The following UGGT2 variants were observed in gnomAD, a reference collection of about 807,000 sequenced individuals.
UGGT2 encodes UDP-glucose:glycoprotein glucosyltransferase 2.
A neutral mutation model predicts 192.1 loss-of-function variants in UGGT2; 180 were observed. That is an observed-to-expected ratio of 0.94 (90% CI 0.83 to 1.06). The LOEUF is 1.06. Among genes scored for constraint, UGGT2 ranks in the 50% least tolerant of loss-of-function variants. The pLI, the probability that UGGT2 is intolerant of heterozygous loss-of-function variation, is 0.00. For synonymous variants in UGGT2, 580 were observed against 591.0 expected (o/e 0.98, Z 0.27); for missense variants, 1,849 against 1,795.7 (o/e 1.03, Z -0.54).
intron 36 of UGGT2, among the ~76,000 whole-genome samples, chr13:95,843,852 T>G (rs958619464): frequency 6.6e-6 from 1 of 152,218 alleles, no homozygotes; most frequent in African/African-American, 2.4e-5. Flanking sequence ...AACACCAAAC[T>G]ATTTTGACTA....
chr13:95,817,887 T>C (rs1423317899), intron 38 of UGGT2, among the ~76,000 whole-genome samples: 1 of 152,072 alleles, frequency 6.6e-6, no homozygotes, highest in Non-Finnish European at 1.5e-5. Context: ...CCCACTACTA[T>C]AGGAAATTAA....
At chr13:95,975,990 T>C (rs2050925683) in intron 10 of UGGT2, among the ~76,000 whole-genome samples, 1 of 152,078 alleles carries the variant, frequency 6.6e-6, no homozygotes, top group African/African-American at 2.4e-5. Flanking sequence ...ACTCTTCCAG[T>C]TAAAGTATAC....
chr13:96,043,478 G>A (rs1232085378), intron 1 of UGGT2, among the ~76,000 whole-genome samples: 1 of 151,904 alleles, frequency 6.6e-6, no homozygotes, highest in Non-Finnish European at 1.5e-5. Flanking sequence ...AAGGTATACA[G>A]GCAACAAATA....
chr13:95,906,893 C>T (rs988742224), intron 20 of UGGT2, among the ~76,000 whole-genome samples: 3 of 152,214 alleles, frequency 2.0e-5, no homozygotes, highest in Non-Finnish European at 4.4e-5. Context: ...CCTGCATTTC[C>T]AGCTCAGGTA....
intron 17 of UGGT2, among the ~76,000 whole-genome samples, chr13:95,936,384 C>T (rs1466038511): frequency 3.3e-5 from 5 of 152,222 alleles, no homozygotes; most frequent in Non-Finnish European, 1.5e-5. Context: ...AGGGTATATA[C>T]TTGATCCTTG....
In UGGT2 at chr13:95,869,381, A is replaced by G. The variant is rs535666237; in HGVS notation, c.3474-1958T>C. ...ATGTGTCTTTATAGCAGCATGTCTT[A>G]TAATCCTTTGGGTATATACCCAGTA... On this transcript the variant is annotated intron_variant, in intron 29 of 38. Coordinates refer to ENST00000376747, the MANE Select transcript of UGGT2 (RefSeq NM_020121.4). Among the ~76,000 whole-genome samples, 4 of 152,322 alleles carry G rather than the reference A, an allele frequency of 2.6e-5. No individual in the cohort carries two copies. In the South Asian group the frequency reaches 8.3e-4, roughly 32 times the overall value.
At chr13:95,996,910 C>T (rs1249942174) in intron 6 of UGGT2, among the ~76,000 whole-genome samples, 1 of 152,156 alleles carries the variant, frequency 6.6e-6, no homozygotes, top group East Asian at 1.9e-4. Flanking sequence ...TCCCTTCTCC[C>T]TTACATACCA....
chr13:95,947,892 G>T, intron 14 of UGGT2, 104 bp downstream of exon 14: 1 of 853,876 alleles, frequency 1.2e-6, no homozygotes, highest in Non-Finnish European at 1.9e-6. Context: ...AGGCACTAGA[G>T]CTAACCATCG....
chr13:95,816,273 G>T (rs181219393), intron 38 of UGGT2, among the ~76,000 whole-genome samples: 9 of 152,274 alleles, frequency 5.9e-5, no homozygotes, highest in African/African-American at 1.7e-4. Context: ...TTAAGAGAGT[G>T]ATATCAAATG....
rs555325152 is a variant in UGGT2, at chr13:96,034,212, G to A, written c.159-2241C>T. Among the ~76,000 whole-genome samples, 4 of 152,256 alleles carry A rather than the reference G, an allele frequency of 2.6e-5. No individual in the cohort carries two copies. In the East Asian group the frequency reaches 7.7e-4, roughly 29 times the overall value. On this transcript the variant is annotated intron_variant, in intron 1 of 38. Transcript: ENST00000376747. The stretch of plus-strand genomic sequence containing the variant: ...CATCGGGATGACCTGACTGCAGGTG[G>A]AAGGTGGCCACTCCATTTCTCCTCT...
At chr13:95,833,794 T>G (rs1886985112) in intron 37 of UGGT2, among the ~76,000 whole-genome samples, 1 of 152,128 alleles carries the variant, frequency 6.6e-6, no homozygotes, top group South Asian at 2.1e-4. Context: ...AAAAATGGAT[T>G]TGCCATTTAC....
intron 4 of UGGT2, among the ~76,000 whole-genome samples, chr13:96,022,127 G>A (rs1206448889): frequency 6.6e-6 from 1 of 151,968 alleles, no homozygotes; most frequent in Non-Finnish European, 1.5e-5. Flanking sequence ...AGATAATGGA[G>A]CAGAACAAAG....
At chr13:95,858,600 T>G (rs1478795149) in intron 33 of UGGT2, among the ~76,000 whole-genome samples, 1 of 152,170 alleles carries the variant, frequency 6.6e-6, no homozygotes, top group Admixed American at 6.6e-5. Flanking sequence ...ACTGTTAACT[T>G]TGTGTCTGGT....
chr13:95,947,138 C>A lies in UGGT2; in HGVS notation c.1576G>T (p.Glu526Ter). ...GFVFILNTDD[E>*]VDGANDAGVA... ...CCAGCATCATTTGCTCCATCAACTTCATCATCTGTATTAAGAATGAACACA... is the reference window on the plus strand; with the variant it reads ...CCAGCATCATTTGCTCCATCAACTTAATCATCTGTATTAAGAATGAACACA... The change falls in exon 15 of 39, where the codon GAA becomes TAA. Residue 526 changes from glutamate to a stop codon, truncating the protein, a stop_gained. Coordinates refer to ENST00000376747, the MANE Select transcript of UGGT2 (RefSeq NM_020121.4). LOFTEE classifies it high-confidence loss of function. 6.2e-7 allele frequency: 1 copy of A among 1,610,902 alleles called. No homozygotes were observed.
At chr13:95,876,602 C>T (rs1891704657) in intron 29 of UGGT2, among the ~76,000 whole-genome samples, 1 of 152,202 alleles carries the variant, frequency 6.6e-6, no homozygotes, top group East Asian at 1.9e-4. Context: ...CTTCCCTCTA[C>T]TTCCCCCAAG....
At chr13:95,946,420 G>A (rs1384695111) in intron 15 of UGGT2, among the ~76,000 whole-genome samples, 1 of 152,246 alleles carries the variant, frequency 6.6e-6, no homozygotes, top group African/African-American at 2.4e-5. Context: ...CTGGGCTGGA[G>A]TGCAGTGGCT....
chr13:95,923,492 G>T (rs1030905075), intron 20 of UGGT2, among the ~76,000 whole-genome samples: 1 of 150,794 alleles, frequency 6.6e-6, no homozygotes. Flanking sequence ...CCTCAGCCTC[G>T]CCAGTAGCTG....
At chr13:95,967,125 T>C (rs1340902777) in intron 12 of UGGT2, among the ~76,000 whole-genome samples, 1 of 152,094 alleles carries the variant, frequency 6.6e-6, no homozygotes, top group Admixed American at 6.6e-5. Flanking sequence ...AGACAAACTA[T>C]GTATCGTTAT....
intron 1 of UGGT2, among the ~76,000 whole-genome samples, chr13:96,042,365 A>G (rs2053189660): frequency 1.3e-5 from 2 of 152,314 alleles, no homozygotes; most frequent in Admixed American, 1.3e-4. Context: ...AATCTGAACA[A>G]CAGCCTTCAG....
Sources: allele counts gnomAD v4.1 joint callset (sites outside exome capture counted in the v4.1 genomes callset), GRCh38; gene constraint gnomAD v4.1.1; transcripts MANE v1.5; gene names NCBI Gene and HGNC (gene_info 2026-07-23, HGNC 2026-07-21).